HEATR3: variants seen among roughly 807,000 people sequenced by gnomAD.
The protein encoded by HEATR3 is HEAT repeat-containing protein 3.
A neutral mutation model predicts 72.8 loss-of-function variants in HEATR3; 56 were observed. The ratio of observed to expected loss-of-function variants is 0.77; its 90% CI spans 0.62 to 0.96. The LOEUF is 0.96. Among genes scored for constraint, HEATR3 ranks in the 40% least tolerant of loss-of-function variants. The pLI is 0.00. For synonymous variants in HEATR3, 331 were observed against 318.1 expected, an observed-to-expected ratio of 1.04 and a Z score of -0.43; for missense variants, 747 against 831.4, an observed-to-expected ratio of 0.90 and a Z score of 1.25.
intron 7 of HEATR3, among the ~76,000 whole-genome samples, chr16:50,081,508 G>C (rs762173514): frequency 3.3e-5 from 5 of 152,122 alleles, no homozygotes; most frequent in Non-Finnish European, 4.4e-5. Context: ...GGTGGGCGGT[G>C]GTGGGGCGGG....
At chr16:50,070,361 A>G (rs1446546930) in intron 4 of HEATR3, 71 bp downstream of exon 4, 2 of 681,964 alleles carry the variant, frequency 2.9e-6, no homozygotes, top group South Asian at 2.2e-5. Flanking sequence ...TATACTGTGT[A>G]GGAATCTCTG....
intron 11 of HEATR3, among the ~76,000 whole-genome samples, chr16:50,093,110 A>T (rs1189899704): frequency 6.6e-6 from 1 of 152,178 alleles, no homozygotes; most frequent in Admixed American, 6.5e-5. Flanking sequence ...ATTTTGGTAC[A>T]TAATACATAT....
intron 13 of HEATR3, 134 bp downstream of exon 13, chr16:50,100,507 T>G: frequency 1.3e-6 from 1 of 786,712 alleles, no homozygotes; most frequent in Non-Finnish European, 2.1e-6. Flanking sequence ...TGAGTCATAT[T>G]ATTAGAATAT....
At chr16:50,093,507 A>C (rs1212993036) in intron 11 of HEATR3, among the ~76,000 whole-genome samples, 2 of 152,222 alleles carry the variant, frequency 1.3e-5, no homozygotes, top group East Asian at 3.9e-4. Flanking sequence ...GGAAATTGCA[A>C]CTGGTGTCTA....
intron 8 of HEATR3, 41 bp downstream of exon 8, chr16:50,084,068 A>G: frequency 6.2e-7 from 1 of 1,612,436 alleles, no homozygotes; most frequent in Non-Finnish European, 8.5e-7. Context: ...CCCCTGAGCC[A>G]AGAGGGAAAC....
chr16:50,083,836 A>T, intron 7 of HEATR3, 101 bp from the exon 8 acceptor site: 1 of 1,012,308 alleles, frequency 9.9e-7, no homozygotes, highest in Admixed American at 2.3e-5. Context: ...GCTCTATTCC[A>T]AGCGCAAAAA....
chr16:50,083,820 C>G, intron 7 of HEATR3, 117 bp from the exon 8 acceptor site: 1 of 775,330 alleles, frequency 1.3e-6, no homozygotes, highest in Non-Finnish European at 2.1e-6. Flanking sequence ...ACCCCATTCC[C>G]CGTGTGCTCT....
rs779550325 is a variant in HEATR3 at position 50,068,767 on chromosome 16, ACTT to A, written c.312-9_312-7del. ...GATGTGAAAGTAAAACATGTTTTAAACTTCTTGTGTAGAAATCTCAGTGCTTGT... is the reference window on the plus strand; with the variant it reads ...GATGTGAAAGTAAAACATGTTTTAAACTTGTGTAGAAATCTCAGTGCTTGT... On this transcript the variant is annotated splice_polypyrimidine_tract_variant and intron_variant, in intron 2 of 14. Transcript: ENST00000299192. The A allele has an allele frequency of 6.2e-6, 10 of 1,604,538 alleles. No individual in the cohort carries two copies. The South Asian group carries it at 1.1e-4, about 18-fold the overall frequency.
At chr16:50,101,777 G>C (rs1005763706) in intron 13 of HEATR3, among the ~76,000 whole-genome samples, 8 of 152,092 alleles carry the variant, frequency 5.3e-5, no homozygotes, top group African/African-American at 1.9e-4. Context: ...ATGAGGTCTT[G>C]CTCCATTGCC....
intron 4 of HEATR3, 134 bp from the exon 5 acceptor site, chr16:50,072,471 C>T (rs1278955674): frequency 6.5e-6 from 4 of 615,668 alleles, no homozygotes; most frequent in Admixed American, 3.0e-5. Context: ...GTTCCTTCAT[C>T]GATAAAAATG....
At chr16:50,082,258 G>T (rs771895479) in intron 7 of HEATR3, among the ~76,000 whole-genome samples, 1 of 152,036 alleles carries the variant, frequency 6.6e-6, no homozygotes, top group Non-Finnish European at 1.5e-5. Context: ...CATGAGAATC[G>T]CTTGAACCCA....
At chr16:50,102,112 A>G in intron 13 of HEATR3, 147 bp from the exon 14 acceptor site, 1 of 569,246 alleles carries the variant, frequency 1.8e-6, no homozygotes. Flanking sequence ...GTATGTTTAT[A>G]AGTATTTAAG....
Position 50,102,365 on chromosome 16 carries a change from CCGAAAGAGCCT to C in HEATR3, c.1854_1864del (p.Glu618AspfsTer4). The C allele has an allele frequency of 1.9e-6, 3 of 1,614,018 alleles. No individual in the cohort carries two copies. The highest frequency in any genetic ancestry group is 2.5e-6 in the Non-Finnish European group (3 of 1,179,988). On this transcript the variant is annotated frameshift_variant, in exon 14 of 15. Transcript: ENST00000299192. LOFTEE classifies it high-confidence loss of function. ...GATGTTTTTGCAGATGGTAAAGAAG[CCGAAAGAGCCT>C]CGATTCAAATTAAATTATTATCTGC...
Position 50,086,336 on chromosome 16 carries a change from CT to C in HEATR3, c.1501del (p.Ser501LeufsTer12). On this transcript the variant is annotated frameshift_variant, in exon 11 of 15. Transcript: ENST00000299192. LOFTEE classifies it high-confidence loss of function. ...QTLAQHLSQL[L>X]FSQPDFAKHV... The stretch of plus-strand genomic sequence containing the variant: ...GCTTGCACAGCATCTGTCACAGCTG[CT>C]TTTTTCTCAACCAGGTATTTAGACT... 6.2e-7 allele frequency: 1 copy of C among 1,602,700 alleles called. No homozygotes were observed. The highest frequency in any genetic ancestry group is 1.1e-5 in the South Asian group (1 of 89,194).
intron 4 of HEATR3, among the ~76,000 whole-genome samples, chr16:50,071,419 T>C (rs2150596728): frequency 6.6e-6 from 1 of 152,336 alleles, no homozygotes; most frequent in African/African-American, 2.4e-5. Context: ...GAGCAAAAAC[T>C]GATGGGTGCT....
At chr16:50,068,464 G>A (rs1004288943) in intron 2 of HEATR3, among the ~76,000 whole-genome samples, 6 of 152,116 alleles carry the variant, frequency 3.9e-5, no homozygotes, top group Non-Finnish European at 2.9e-5. Flanking sequence ...TTGATTCCAA[G>A]AAAAGGTCCC....
At chr16:50,089,689 G>A (rs2037065682) in intron 11 of HEATR3, among the ~76,000 whole-genome samples, 1 of 151,710 alleles carries the variant, frequency 6.6e-6, no homozygotes, top group Non-Finnish European at 1.5e-5. Context: ...TTTTATTTGA[G>A]ATGGAGTCTT....
chr16:50,088,020 G>A lies in HEATR3; in HGVS notation c.1510+1669G>A, dbSNP rs367821298. Among the ~76,000 whole-genome samples the A allele has an allele frequency of 3.9e-5, 6 of 152,040 alleles. No homozygotes were observed. In the South Asian group the frequency reaches 6.2e-4, roughly 16 times the overall value. ...CAGGCACCTGTAATCCCAGCTACTC[G>A]GGAGGCTGAGGCAGGAGAATCGCTT... On this transcript the variant is annotated intron_variant, in intron 11 of 14. Coordinates refer to ENST00000299192, the MANE Select transcript of HEATR3 (RefSeq NM_182922.4).
intron 13 of HEATR3, among the ~76,000 whole-genome samples, 152 bp from the exon 14 acceptor site, chr16:50,102,106 GT>G (rs1298736625): frequency 6.6e-6 from 1 of 151,644 alleles, no homozygotes; most frequent in Admixed American, 6.6e-5. Context: ...TACTTGGTAT[GT>G]TTATAAGTAT....
Sources: allele counts gnomAD v4.1 joint callset (sites outside exome capture counted in the v4.1 genomes callset), GRCh38; gene constraint gnomAD v4.1.1; transcripts MANE v1.5; gene names NCBI Gene and HGNC (gene_info 2026-07-23, HGNC 2026-07-21).